DMD: variants seen among roughly 807,000 people sequenced by gnomAD.
DMD encodes mutant dystrophin.
In DMD, 63 loss-of-function variants were observed where a neutral mutation model predicts 330.1. The observed-to-expected ratio is 0.19, with a 90% confidence interval of 0.16 to 0.24. The LOEUF (loss-of-function observed/expected upper bound fraction) is 0.24, where lower values mean the gene tolerates loss of function less well. DMD is among the 10% of genes least tolerant of loss of function. The pLI is 1.00. For missense variants in DMD, 3,344 were observed against 2,684.1 expected (o/e 1.25, Z -5.43); for synonymous variants, 1,223 against 959.8 (o/e 1.27, Z -5.07).
intron 2 of DMD, among the ~76,000 whole-genome samples, chrX:32,891,441 A>G: frequency 8.9e-6 from 1 of 112,422 alleles, no homozygotes; most frequent in Middle Eastern, 4.6e-3. Flanking sequence ...GTGATTTTTA[A>G]AAGTGATCTA....
chrX:31,599,558 A>G (rs2077254394), intron 55 of DMD, among the ~76,000 whole-genome samples: 1 of 112,534 alleles, frequency 8.9e-6, no homozygotes, highest in Non-Finnish European at 1.9e-5. Flanking sequence ...TATGATTAGA[A>G]AGACAATTGT....
intron 7 of DMD, among the ~76,000 whole-genome samples, chrX:32,779,995 A>C (rs1455980034): frequency 8.9e-6 from 1 of 111,873 alleles, no homozygotes; most frequent in Non-Finnish European, 1.9e-5. Context: ...CTTGTCATGT[A>C]TCTTCTCCCA....
At chrX:31,797,687 A>C (rs924136453) in intron 50 of DMD, among the ~76,000 whole-genome samples, 1 of 112,246 alleles carries the variant, frequency 8.9e-6, no homozygotes, top group African/African-American at 3.2e-5. Context: ...ATTACTGAAG[A>C]GTACATGTGA....
chrX:32,488,961 A>G (rs1174642744), intron 20 of DMD, among the ~76,000 whole-genome samples: 1 of 110,543 alleles, frequency 9.0e-6, no homozygotes, highest in Non-Finnish European at 1.9e-5. Context: ...CTGTTCTCTT[A>G]CCTAATTCTA....
intron 62 of DMD, among the ~76,000 whole-genome samples, chrX:31,293,218 T>TGTGTGTGTGTGTGTGGTCTGGTTTA (rs2053893583): frequency 3.1e-5 from 3 of 95,910 alleles, no homozygotes; most frequent in African/African-American, 1.3e-4. Context: ...TGTGTGTGTG[T>TGTGTGTGTGTGTGTGGTCTGGTTTA]GTGTGTGTGT....
rs190481270 is a variant in DMD at position 33,009,318 on chromosome X, A to G, written c.93+10821T>C. Among the ~76,000 whole-genome samples, 136 of 51,353 alleles carry G rather than the reference A, an allele frequency of 2.6e-3. 27 individuals carry two copies. The highest frequency in any genetic ancestry group is 4.9e-3 in the Admixed American group (24 of 4,864). 44.6% of individuals were successfully genotyped at this position (51,353 alleles called of 115,157 possible). A position where few individuals can be genotyped will look rare whatever the true frequency, so the allele number is the denominator to read the frequency against. ...TATGTGTATATACACATGTGTGTAT[A>G]TGTGTATATGTGTATATACACGTGT... is the stretch of plus-strand genomic sequence containing the variant. On this transcript the variant is annotated intron_variant, in intron 2 of 78. Transcript: ENST00000357033.
chrX:32,917,333 G>A (rs2087915747), intron 2 of DMD, among the ~76,000 whole-genome samples: 1 of 111,155 alleles, frequency 9.0e-6, no homozygotes, highest in South Asian at 3.8e-4. Context: ...CTTTATAGCT[G>A]TGTAAAAATG....
intron 7 of DMD, among the ~76,000 whole-genome samples, chrX:32,778,299 C>G (rs2074375621): frequency 9.1e-6 from 1 of 109,364 alleles, no homozygotes; most frequent in Non-Finnish European, 1.9e-5. Flanking sequence ...AAAGTTTTTC[C>G]CTTCGTGCCT....
intron 1 of DMD, among the ~76,000 whole-genome samples, chrX:33,096,743 C>T (rs2095171949): frequency 9.0e-6 from 1 of 111,105 alleles, no homozygotes; most frequent in Non-Finnish European, 1.9e-5. Flanking sequence ...TGGCCTCAAG[C>T]GATTTACTCG....
At chrX:32,902,746 A>T (rs914648929) in intron 2 of DMD, among the ~76,000 whole-genome samples, 1 of 111,148 alleles carries the variant, frequency 9.0e-6, no homozygotes, top group Non-Finnish European at 1.9e-5. Flanking sequence ...CAGCATATAT[A>T]GGAGAAAGAG....
At chrX:33,063,527 G>A (rs1239209220) in intron 1 of DMD, among the ~76,000 whole-genome samples, 1 of 111,876 alleles carries the variant, frequency 8.9e-6, no homozygotes, top group Non-Finnish European at 1.9e-5. Flanking sequence ...CACCGTCAGA[G>A]TAAGTCTTAA....
chrX:32,289,307 T>A (rs1419553725), intron 42 of DMD, among the ~76,000 whole-genome samples: 1 of 110,714 alleles, frequency 9.0e-6, no homozygotes, highest in Non-Finnish European at 1.9e-5. Flanking sequence ...TCACCCATAT[T>A]CAGCCTGAAG....
At chrX:32,625,154 G>T (rs2058264665) in intron 11 of DMD, among the ~76,000 whole-genome samples, 1 of 111,775 alleles carries the variant, frequency 8.9e-6, no homozygotes, top group Non-Finnish European at 1.9e-5. Context: ...CTGAGTGACA[G>T]AGTGAAACGC....
chrX:32,614,933 A>G (rs768273767), intron 11 of DMD, among the ~76,000 whole-genome samples: 2 of 110,419 alleles, frequency 1.8e-5, no homozygotes, highest in Non-Finnish European at 3.8e-5. Context: ...TTCCAAGTGT[A>G]GGCTATAAAA....
At chrX:31,627,963 T>C in intron 54 of DMD, 101 bp from the exon 55 acceptor site, 2 of 768,332 alleles carry the variant, frequency 2.6e-6, no homozygotes, top group Non-Finnish European at 3.9e-6. Flanking sequence ...AATTGTAATA[T>C]ACCAACAATG....
At chrX:32,686,559 C>CAAAAAA (rs750534167) in intron 9 of DMD, among the ~76,000 whole-genome samples, 328 of 28,012 alleles carry the variant, frequency 0.012, no homozygotes, top group Middle Eastern at 0.087. Flanking sequence ...AACTCCATCT[C>CAAAAAA]AAAAAAAAAA....
chrX:31,432,401 C>T (rs1382880077), intron 60 of DMD, among the ~76,000 whole-genome samples: 15 of 111,751 alleles, frequency 1.3e-4, no homozygotes, highest in African/African-American at 3.3e-4. Context: ...AAAGACGCTG[C>T]GTAGTCAAGT....
At chrX:32,788,194 A>C (rs904974817) in intron 7 of DMD, among the ~76,000 whole-genome samples, 1 of 111,997 alleles carries the variant, frequency 8.9e-6, no homozygotes, top group African/African-American at 3.2e-5. Context: ...TAGGATTAAG[A>C]GTTAAGATAA....
chrX:31,291,194 C>G (rs2053664117), intron 62 of DMD, among the ~76,000 whole-genome samples: 1 of 110,471 alleles, frequency 9.1e-6, no homozygotes, highest in Non-Finnish European at 1.9e-5. Flanking sequence ...AACTAGCAGA[C>G]TTTGGGCTAA....
Sources: allele counts gnomAD v4.1 joint callset (sites outside exome capture counted in the v4.1 genomes callset), GRCh38; gene constraint gnomAD v4.1.1; transcripts MANE v1.5; gene names NCBI Gene and HGNC (gene_info 2026-07-23, HGNC 2026-07-21).